SH3BGR: variants seen among roughly 807,000 people sequenced by gnomAD.
SH3BGR encodes SH3 domain binding glutamate rich protein.
In SH3BGR, 29 loss-of-function variants were observed where a neutral mutation model predicts 24.5. The ratio of observed to expected loss-of-function variants is 1.18; its 90% CI spans 0.88 to 1.61. The LOEUF (loss-of-function observed/expected upper bound fraction) is 1.61. Among genes scored for constraint, SH3BGR ranks in the 40% most tolerant of loss-of-function variants. The pLI is 0.00. For synonymous variants in SH3BGR, 55 were observed against 65.7 expected (o/e 0.84, Z 0.79); for missense variants, 162 against 205.8 (o/e 0.79, Z 1.30).
chr21:39,491,567 G>A (rs1438938374), intron 3 of SH3BGR: 2 of 276,044 alleles, frequency 7.2e-6, no homozygotes, highest in Non-Finnish European at 1.4e-5. Flanking sequence ...GGTGGGGGTC[G>A]TGGGGCAGCA....
At chr21:39,504,513 T>C (rs1386219035) in intron 4 of SH3BGR, among the ~76,000 whole-genome samples, 2 of 152,226 alleles carry the variant, frequency 1.3e-5, no homozygotes, top group Non-Finnish European at 2.9e-5. Context: ...TCTGCTTTTC[T>C]GGCCAAGTTT....
Position 39,479,264 on chromosome 21 carries a change from A to G in SH3BGR, c.312+4049A>G, listed in dbSNP as rs540601437. ...TGGTGGTGGTGGTGGTGGTGATGGTAGTGCTGGTGGTGATAGTGATGGTGG... is the reference window on the plus strand; with the variant it reads ...TGGTGGTGGTGGTGGTGGTGATGGTGGTGCTGGTGGTGATAGTGATGGTGG... On this transcript the variant is annotated intron_variant, in intron 3 of 6. Transcript: ENST00000333634. Among the ~76,000 whole-genome samples, 428 of 108,278 alleles carry G rather than the reference A, an allele frequency of 4.0e-3. 1 individual carries two copies. Among genetic ancestry groups the G allele is most frequent in the Admixed American group, 8.7e-3 (100 of 11,530 alleles). 71.0% of individuals were successfully genotyped at this position (108,278 alleles called of 152,430 possible).
At chr21:39,503,649 C>G (rs1307561413) in intron 4 of SH3BGR, among the ~76,000 whole-genome samples, 1 of 152,126 alleles carries the variant, frequency 6.6e-6, no homozygotes, top group Non-Finnish European at 1.5e-5. Flanking sequence ...GAATATTTAC[C>G]TAATGTTTGA....
At position 39,499,885 on chromosome 21, in the gene SH3BGR, G is replaced by A. The variant is rs776203196; in HGVS notation, c.375G>A (p.Val125=). The part of the protein sequence containing the change: ...TEAQKEGSED[V]GNLPEAQEKN... The stretch of plus-strand genomic sequence containing the variant: ...CACAAAAAGAGGGCAGTGAAGATGT[G>A]GGCAACCTCCCTGAAGCCCAGGAGA... Residue 125 remains valine, a synonymous_variant, in exon 4 of 7, where the codon GTG becomes GTA. Transcript: ENST00000333634. 8 of 1,613,080 alleles carry A rather than the reference G, an allele frequency of 5.0e-6. No homozygotes were observed. Among genetic ancestry groups the A allele is most frequent in the South Asian group, 2.2e-5 (2 of 91,020 alleles).
intron 3 of SH3BGR, among the ~76,000 whole-genome samples, chr21:39,477,794 G>A (rs2078051135): frequency 6.6e-6 from 1 of 152,124 alleles, no homozygotes; most frequent in Non-Finnish European, 1.5e-5. Context: ...GAGGGAATTT[G>A]GTTTTGATAA....
intron 1 of SH3BGR, among the ~76,000 whole-genome samples, chr21:39,459,641 T>C (rs948549298): frequency 6.6e-6 from 1 of 151,990 alleles, no homozygotes; most frequent in Non-Finnish European, 1.5e-5. Flanking sequence ...CAAGTGATCT[T>C]CCCACCTCTT....
At chr21:39,451,892 G>A, upstream of SH3BGR, 1 of 1,612,772 alleles carries the variant, frequency 6.2e-7, no homozygotes, top group East Asian at 2.2e-5. Flanking sequence ...TGGGCCAATG[G>A]AGGGAGGAGC....
intron 1 of SH3BGR, among the ~76,000 whole-genome samples, chr21:39,459,654 G>A (rs894523105): frequency 1.3e-5 from 2 of 151,948 alleles, no homozygotes; most frequent in Non-Finnish European, 2.9e-5. Flanking sequence ...CACCTCTTGA[G>A]TAGCTGGGAC....
intron 4 of SH3BGR, among the ~76,000 whole-genome samples, chr21:39,501,732 C>T (rs2078497342): frequency 6.6e-6 from 1 of 152,158 alleles, no homozygotes; most frequent in African/African-American, 2.4e-5. Flanking sequence ...GTTGTAAAAA[C>T]ATGATTAACC....
intron 4 of SH3BGR, 118 bp from the exon 5 acceptor site, chr21:39,508,880 T>G (rs2078627211): frequency 1.5e-6 from 1 of 674,668 alleles, no homozygotes; most frequent in Non-Finnish European, 2.5e-6. Flanking sequence ...ATGGATAAAC[T>G]AATGTGTTGT....
intron 6 of SH3BGR, among the ~76,000 whole-genome samples, chr21:39,512,588 G>A (rs1350171546): frequency 6.6e-6 from 1 of 152,166 alleles, no homozygotes; most frequent in African/African-American, 2.4e-5. Flanking sequence ...CTTAAATATT[G>A]TGAGCCATAC....
At chr21:39,475,457 C>T (rs1159527323) in intron 3 of SH3BGR, among the ~76,000 whole-genome samples, 1 of 152,018 alleles carries the variant, frequency 6.6e-6, no homozygotes, top group Non-Finnish European at 1.5e-5. Flanking sequence ...TTTATAATAC[C>T]TAAGTTAGGA....
At chr21:39,461,904 A>C (rs1351705805) in intron 1 of SH3BGR, among the ~76,000 whole-genome samples, 1 of 152,082 alleles carries the variant, frequency 6.6e-6, no homozygotes, top group Non-Finnish European at 1.5e-5. Context: ...GCTGGATTGC[A>C]GTGGCATGAT....
At chr21:39,473,884 C>CA (rs71184682) in intron 2 of SH3BGR, among the ~76,000 whole-genome samples, 69,779 of 146,928 alleles carry the variant, frequency 0.47, 19,291 homozygotes, top group African/African-American at 0.78. Context: ...GACTCTGTCT[C>CA]AAAAAAAAAA....
intron 3 of SH3BGR, among the ~76,000 whole-genome samples, chr21:39,477,291 A>C: frequency 6.6e-6 from 1 of 152,140 alleles, no homozygotes; most frequent in East Asian, 1.9e-4. Context: ...TGCATTTAAA[A>C]AAATTTTTGT....
intron 3 of SH3BGR, among the ~76,000 whole-genome samples, chr21:39,497,139 ATATATT>A (rs1323292452): frequency 1.3e-5 from 2 of 150,906 alleles, no homozygotes; most frequent in South Asian, 2.1e-4. Flanking sequence ...ATATCTGAGA[ATATATT>A]TATATTTATA....
intron 5 of SH3BGR, among the ~76,000 whole-genome samples, chr21:39,510,067 C>T (rs1015689529): frequency 2.7e-5 from 4 of 145,670 alleles, no homozygotes; most frequent in East Asian, 2.0e-4. Flanking sequence ...CTCAGCCTCC[C>T]GAGTAGCTGG....
Position 39,471,187 on chromosome 21 carries a change from C to T in SH3BGR, c.232-3948C>T, listed in dbSNP as rs911293384. Among the ~76,000 whole-genome samples the T allele has an allele frequency of 5.3e-5, 8 of 151,676 alleles. No homozygotes were observed. In the East Asian group the frequency reaches 5.8e-4, roughly 11 times the overall value. ...GGTTGCTTTTAATAATATTTCTCTA[C>T]GATGTGTCTAGGTTTAGAGTTATTT... On this transcript the variant is annotated intron_variant, in intron 2 of 6. Transcript: ENST00000333634.
chr21:39,502,615 C>A (rs2078514552), intron 4 of SH3BGR, among the ~76,000 whole-genome samples: 1 of 152,234 alleles, frequency 6.6e-6, no homozygotes, highest in South Asian at 2.1e-4. Context: ...CACCTCATGG[C>A]TGGCAGGAGC....
Sources: gnomAD v4.1 joint callset for allele counts (sites outside exome capture counted in the v4.1 genomes callset) on GRCh38, gnomAD v4.1.1 for gene constraint, MANE v1.5 for transcripts, NCBI Gene and HGNC (gene_info 2026-07-23, HGNC 2026-07-21) for gene names.